The following FOXK2 variants were observed in gnomAD, a reference collection of about 807,000 sequenced individuals.
FOXK2 encodes the protein forkhead box K2.
A neutral mutation model predicts 53.3 loss-of-function variants in FOXK2; 24 were observed. The ratio of observed to expected loss-of-function variants is 0.45; its 90% CI spans 0.33 to 0.63. The LOEUF is 0.63. FOXK2 is among the 30% of genes least tolerant of loss of function. The pLI is 0.03. For synonymous variants in FOXK2, 505 were observed against 407.1 expected, an observed-to-expected ratio of 1.24 and a Z score of -2.89; for missense variants, 952 against 910.5, an observed-to-expected ratio of 1.05 and a Z score of -0.59.
intron 8 of FOXK2, 92 bp from the exon 9 acceptor site, chr17:82,601,211 T>A: frequency 7.4e-7 from 1 of 1,360,142 alleles, no homozygotes; most frequent in Non-Finnish European, 1.0e-6. Context: ...CGTGGGGTTC[T>A]GACTCGCGAG....
chr17:82,576,406 C>T lies in FOXK2; in HGVS notation c.909+4536C>T, dbSNP rs542993839. Among the ~76,000 whole-genome samples, 478 of 152,268 alleles carry T rather than the reference C, an allele frequency of 3.1e-3. 4 individuals carry two copies. Among genetic ancestry groups the T allele is most frequent in the Admixed American group, 4.3e-3 (66 of 15,298 alleles). The stretch of plus-strand genomic sequence containing the variant: ...CTCCTTGAGGAGGGGAGGAATACTA[C>T]GGTTAATGAATACAAGAAGGTGTTT... On this transcript the variant is annotated intron_variant, in intron 4 of 8. Coordinates refer to ENST00000335255, the MANE Select transcript of FOXK2 (RefSeq NM_004514.4).
At chr17:82,576,562 T>C (rs1029708837) in intron 4 of FOXK2, 1 of 742,350 alleles carries the variant, frequency 1.3e-6, no homozygotes, top group Non-Finnish European at 2.3e-6. Flanking sequence ...CTGAGCCTGT[T>C]GGGCTGGTGA....
chr17:82,587,442 C>T (rs1167709647), intron 8 of FOXK2, 170 bp downstream of exon 8: 10 of 635,062 alleles, frequency 1.6e-5, no homozygotes, highest in Middle Eastern at 4.2e-4. Flanking sequence ...GTCGTGGAGT[C>T]GGCCGTCATG....
chr17:82,548,974 A>C (rs1389515908), intron 1 of FOXK2, among the ~76,000 whole-genome samples: 1 of 152,208 alleles, frequency 6.6e-6, no homozygotes, highest in Non-Finnish European at 1.5e-5. Context: ...TGCCATCTGC[A>C]CTAAGATCCC....
intron 1 of FOXK2, among the ~76,000 whole-genome samples, chr17:82,535,362 A>G (rs926135207): frequency 1.3e-5 from 2 of 152,084 alleles, no homozygotes; most frequent in African/African-American, 4.8e-5. Context: ...TGGATTTGTA[A>G]AATTTTTGTC....
intron 1 of FOXK2, among the ~76,000 whole-genome samples, chr17:82,539,769 A>C (rs1398659393): frequency 5.3e-5 from 8 of 151,930 alleles, no homozygotes; most frequent in African/African-American, 1.9e-4. Context: ...GTTCGAGACC[A>C]GGCTGGCCAA....
chr17:82,560,260 G>C (rs1028887910), intron 1 of FOXK2, among the ~76,000 whole-genome samples: 1 of 151,894 alleles, frequency 6.6e-6, no homozygotes, highest in Non-Finnish European at 1.5e-5. Context: ...TGCCTGCCTC[G>C]GCCTCCCAAA....
At chr17:82,562,801 G>T (rs1349339450) in intron 1 of FOXK2, among the ~76,000 whole-genome samples, 1 of 151,192 alleles carries the variant, frequency 6.6e-6, no homozygotes, top group Non-Finnish European at 1.5e-5. Flanking sequence ...GTCTTTTTGA[G>T]TCTATGCTTT....
intron 8 of FOXK2, chr17:82,600,885 A>T (rs1044314968): frequency 2.4e-5 from 4 of 164,752 alleles, no homozygotes; most frequent in African/African-American, 7.2e-5. Context: ...GAGGGAGAGC[A>T]GCGAGCGGCA....
chr17:82,520,148 G>C lies in FOXK2; in HGVS notation c.260G>C (p.Gly87Ala). ...RRHLEIFTPP[G>A]GGGHGGAAPE... ...CACCTCGAGATCTTCACGCCCCCGG[G>C]CGGCGGCGGCCATGGCGGGGCCGCT... The change falls in exon 1 of 9, where the codon GGC becomes GCC. Residue 87 changes from glycine to alanine, a missense_variant. Coordinates refer to ENST00000335255, the MANE Select transcript of FOXK2 (RefSeq NM_004514.4). The C allele has an allele frequency of 6.6e-7, 1 of 1,520,930 alleles. No individual in the cohort carries two copies. The highest frequency in any genetic ancestry group is 8.8e-7 in the Non-Finnish European group (1 of 1,133,988). 94.2% of individuals were successfully genotyped at this position (1,520,930 alleles called of 1,614,324 possible). A position where few individuals can be genotyped will look rare whatever the true frequency, so the allele number is the denominator to read the frequency against.
intron 1 of FOXK2, among the ~76,000 whole-genome samples, chr17:82,553,749 G>A (rs969345068): frequency 5.9e-5 from 9 of 152,314 alleles, no homozygotes; most frequent in Admixed American, 1.3e-4. Context: ...CAGCAGTTGC[G>A]CCTGTGGTGG....
At chr17:82,549,978 G>T (rs2044660714) in intron 1 of FOXK2, among the ~76,000 whole-genome samples, 1 of 152,206 alleles carries the variant, frequency 6.6e-6, no homozygotes, top group South Asian at 2.1e-4. Context: ...TGAGGTGGGT[G>T]CATCACTTGA....
At chr17:82,573,249 C>CT (rs1163439192) in intron 4 of FOXK2, among the ~76,000 whole-genome samples, 1 of 151,942 alleles carries the variant, frequency 6.6e-6, no homozygotes, top group Non-Finnish European at 1.5e-5. Flanking sequence ...TGTGGAGGGG[C>CT]TTGGGGGTCT....
chr17:82,554,000 ATT>A (rs542547856), intron 1 of FOXK2, among the ~76,000 whole-genome samples: 196 of 151,980 alleles, frequency 1.3e-3, no homozygotes, highest in Non-Finnish European at 2.4e-3. Flanking sequence ...CGCCTGGGTA[ATT>A]TTTGTATTTT....
At position 82,581,453 on chromosome 17, in the gene FOXK2, CTGT is replaced by C. The variant is rs2045058163; in HGVS notation, c.910-1287_910-1285del. 6.1e-5 allele frequency among the ~76,000 whole-genome samples: 9 copies of C among 148,096 alleles called. No homozygotes were observed. The South Asian group carries it at 1.9e-3, about 32-fold the overall frequency. On this transcript the variant is annotated intron_variant, in intron 4 of 8. Transcript: ENST00000335255. Reference sequence around the variant, plus strand: ...TAGCTGGGACTACAGGTGTGGGCCACTGTGCCCGGATGATTTTTGTGTGGGTTT... The same window carrying C: ...TAGCTGGGACTACAGGTGTGGGCCACGCCCGGATGATTTTTGTGTGGGTTT...
At chr17:82,544,260 G>A (rs7219048) in intron 1 of FOXK2, among the ~76,000 whole-genome samples, 33,154 of 152,152 alleles carry the variant, frequency 0.22, 4,039 homozygotes, top group East Asian at 0.39. Context: ...TATGCCATGT[G>A]CATTTATCAT....
chr17:82,557,258 CTGACCT>C (rs1329891136), intron 1 of FOXK2, among the ~76,000 whole-genome samples: 3 of 151,668 alleles, frequency 2.0e-5, no homozygotes, highest in Admixed American at 1.3e-4. Context: ...TCTCGAACTC[CTGACCT>C]CAGGTGATCC....
intron 3 of FOXK2, 92 bp from the exon 4 acceptor site, chr17:82,571,632 A>G: frequency 1.6e-6 from 2 of 1,279,644 alleles, no homozygotes; most frequent in Non-Finnish European, 2.1e-6. Flanking sequence ...TCAGAGGAAC[A>G]CTTAAAAGCA....
intron 1 of FOXK2, among the ~76,000 whole-genome samples, chr17:82,562,414 C>G (rs1038905023): frequency 2.0e-5 from 3 of 152,174 alleles, no homozygotes; most frequent in African/African-American, 7.2e-5. Flanking sequence ...AACCCCGTCT[C>G]TGCTAAAAAT....
Sources: allele counts gnomAD v4.1 joint callset (sites outside exome capture counted in the v4.1 genomes callset), GRCh38; gene constraint gnomAD v4.1.1; transcripts MANE v1.5; gene names NCBI Gene and HGNC (gene_info 2026-07-23, HGNC 2026-07-21).